Variants in EPM2A observed in about 807,000 individuals in gnomAD.
EPM2A encodes the protein EPM2A glucan phosphatase, laforin.
A neutral mutation model predicts 26.5 loss-of-function variants in EPM2A; 21 were observed. The observed-to-expected ratio is 0.79, with a 90% CI of 0.56 to 1.14. The LOEUF (loss-of-function observed/expected upper bound fraction) is 1.14, where lower values mean the gene tolerates loss of function less well. Ranked by LOEUF, EPM2A falls within the 50% of genes most tolerant of loss-of-function variation. The probability of loss-of-function intolerance (pLI) is 0.00; values close to 1 mark genes in which losing one functional copy is unlikely to be tolerated. For synonymous variants in EPM2A, 217 were observed against 177.6 expected (o/e 1.22, Z -1.76); for missense variants, 458 against 440.8 (o/e 1.04, Z -0.35).
chr6:145,633,316 T>C (rs897465226), intron 3 of EPM2A, among the ~76,000 whole-genome samples: 1 of 152,152 alleles, frequency 6.6e-6, no homozygotes, highest in African/African-American at 2.4e-5. Flanking sequence ...GTCCTTCAAA[T>C]CCTAACTATC....
chr6:145,627,374 C>T lies in EPM2A; in HGVS notation c.*42G>A, dbSNP rs1294118924. On this transcript the variant is annotated 3_prime_UTR_variant, in exon 4 of 4. Transcript: ENST00000367519. ...GTCATTTGACCAACATCATCCCAGGCTCCTTAGGGAAATCAGGAGGGGGCA... is the reference window on the plus strand; with the variant it reads ...GTCATTTGACCAACATCATCCCAGGTTCCTTAGGGAAATCAGGAGGGGGCA... The T allele has an allele frequency of 3.7e-6, 6 of 1,612,448 alleles. No individual in the cohort carries two copies. The highest frequency in any genetic ancestry group is 5.1e-6 in the Non-Finnish European group (6 of 1,180,032).
chr6:145,571,633 A>G (rs967266056), intron 2 of EPM2A, among the ~76,000 whole-genome samples: 3 of 152,200 alleles, frequency 2.0e-5, no homozygotes, highest in African/African-American at 7.2e-5. Context: ...TTACCTAAGC[A>G]ATGGTGCCAT....
chr6:145,715,745 T>A (rs1336838117), intron 1 of EPM2A, among the ~76,000 whole-genome samples: 1 of 152,120 alleles, frequency 6.6e-6, no homozygotes, highest in Non-Finnish European at 1.5e-5. Flanking sequence ...CAGGGAGACA[T>A]CTAGGTTGTG....
At chr6:145,412,624 C>A (rs1778659293) in intron 4 of EPM2A, among the ~76,000 whole-genome samples, 1 of 152,136 alleles carries the variant, frequency 6.6e-6, no homozygotes. Context: ...GTATGGGGAT[C>A]TTTTCAGATT....
chr6:145,656,372 C>G (rs892595852), intron 2 of EPM2A, among the ~76,000 whole-genome samples: 1 of 152,186 alleles, frequency 6.6e-6, no homozygotes, highest in Admixed American at 6.5e-5. Flanking sequence ...AAGTGAGAGA[C>G]CTCCAGCAGT....
chr6:145,518,595 C>CAA (rs55802475), intron 2 of EPM2A, among the ~76,000 whole-genome samples: 27 of 102,664 alleles, frequency 2.6e-4, no homozygotes, highest in East Asian at 8.8e-4. Flanking sequence ...TGAAATGCAC[C>CAA]AAAAAAAAAA....
chr6:145,425,123 TTCC>T (rs1778837329), intron 4 of EPM2A, among the ~76,000 whole-genome samples: 1 of 142,888 alleles, frequency 7.0e-6, no homozygotes, highest in Non-Finnish European at 1.5e-5. Flanking sequence ...TCTCCCTTCC[TTCC>T]TTCCTTCCTT....
At position 145,433,100 on chromosome 6, in the gene EPM2A, C is replaced by T. The variant is rs114686563; in HGVS notation, c.556-49003G>A. 1.0e-2 allele frequency among the ~76,000 whole-genome samples: 1,518 copies of T among 152,238 alleles called. 25 individuals are homozygous for T. The highest frequency in any genetic ancestry group is 0.035 in the African/African-American group (1,452 of 41,548). ...TCTATCCAGACCATTCAAACTTTGT[C>T]CATATCAGAAATAAGGTTGTCTCAT... On this transcript the variant is annotated intron_variant, in intron 4 of 4. Coordinates refer to the EPM2A transcript ENST00000638717.
intron 2 of EPM2A, among the ~76,000 whole-genome samples, chr6:145,517,068 A>G (rs745859791): frequency 4.0e-4 from 61 of 152,202 alleles, no homozygotes; most frequent in Non-Finnish European, 8.4e-4. Flanking sequence ...CACCTTGAAG[A>G]TATTATGTTA....
At chr6:145,527,431 A>G (rs763519712) in intron 2 of EPM2A, among the ~76,000 whole-genome samples, 1 of 152,026 alleles carries the variant, frequency 6.6e-6, no homozygotes, top group African/African-American at 2.4e-5. Context: ...ACATATTTTC[A>G]TAAGTATAGA....
intron 1 of EPM2A, among the ~76,000 whole-genome samples, chr6:145,696,854 A>G (rs1215619589): frequency 6.7e-6 from 1 of 148,480 alleles, no homozygotes; most frequent in African/African-American, 2.5e-5. Flanking sequence ...AAAACTGATT[A>G]CTATGATTAT....
At chr6:145,687,847 T>A (rs1781030686) in intron 1 of EPM2A, among the ~76,000 whole-genome samples, 1 of 152,152 alleles carries the variant, frequency 6.6e-6, no homozygotes, top group Non-Finnish European at 1.5e-5. Flanking sequence ...TGGATTTTTT[T>A]TCTCGACGAC....
chr6:145,442,015 G>C (rs1187456643), intron 4 of EPM2A, among the ~76,000 whole-genome samples: 1 of 152,178 alleles, frequency 6.6e-6, no homozygotes, highest in Non-Finnish European at 1.5e-5. Flanking sequence ...CTCTAGGGCA[G>C]GGGCAAAATG....
At chr6:145,398,883 A>G (rs1778444066) in intron 4 of EPM2A, among the ~76,000 whole-genome samples, 1 of 150,634 alleles carries the variant, frequency 6.6e-6, no homozygotes, top group Non-Finnish European at 1.5e-5. Context: ...AAACCATCAG[A>G]GACTTTCTCC....
At chr6:145,489,945 C>A in intron 4 of EPM2A, 1 of 1,371,130 alleles carries the variant, frequency 7.3e-7, no homozygotes, top group Non-Finnish European at 1.0e-6. Context: ...TTATTTGGAC[C>A]TGCTCTGGAA....
intron 1 of EPM2A, among the ~76,000 whole-genome samples, chr6:145,719,082 G>C (rs1183574659): frequency 6.6e-6 from 1 of 152,238 alleles, no homozygotes; most frequent in African/African-American, 2.4e-5. Flanking sequence ...CACGGATCTA[G>C]AACTAGAAAT....
chr6:145,407,302 A>G (rs1778582158), intron 4 of EPM2A, among the ~76,000 whole-genome samples: 1 of 152,188 alleles, frequency 6.6e-6, no homozygotes, highest in Non-Finnish European at 1.5e-5. Context: ...TTAGGCATTT[A>G]CACTAAATTT....
intron 2 of EPM2A, among the ~76,000 whole-genome samples, chr6:145,606,848 A>G (rs1265417882): frequency 2.6e-5 from 4 of 152,214 alleles, no homozygotes; most frequent in Admixed American, 2.0e-4. Flanking sequence ...AAAGCCACTT[A>G]GACCTCATAA....
At chr6:145,512,107 TG>T (rs1436228590) in intron 2 of EPM2A, among the ~76,000 whole-genome samples, 8 of 151,672 alleles carry the variant, frequency 5.3e-5, no homozygotes, top group Non-Finnish European at 4.4e-5. Flanking sequence ...TGAAAGAAAT[TG>T]TGGATGACAC....
Sources: allele counts gnomAD v4.1 joint callset (sites outside exome capture counted in the v4.1 genomes callset), GRCh38; gene constraint gnomAD v4.1.1; transcripts MANE v1.5; gene names NCBI Gene and HGNC (gene_info 2026-07-23, HGNC 2026-07-21).